Variants in CST3 observed in about 807,000 individuals in gnomAD.
CST3 encodes the protein cystatin C, also known as cystatin-C.
Under a neutral mutation model 9.0 loss-of-function variants are expected in CST3, and 14 were observed. The observed-to-expected ratio is 1.56, with a 90% CI of 1.03 to 2.44. CST3 has a LOEUF of 2.44. Ranked by LOEUF, CST3 falls within the 30% of genes most tolerant of loss-of-function variation. The pLI is 0.00. For missense variants in CST3, 237 were observed against 204.3 expected (o/e 1.16, Z -0.98); for synonymous variants, 96 against 90.2 (o/e 1.06, Z -0.37).
At chr20:23,634,846 C>A (rs1979596876) in intron 2 of CST3, among the ~76,000 whole-genome samples, 1 of 152,128 alleles carries the variant, frequency 6.6e-6, no homozygotes, top group Non-Finnish European at 1.5e-5. Flanking sequence ...CGGATCTATG[C>A]ATGAATCCAC....
exon 4 of CST3, chr20:23,627,933 T>A (rs1222010321): frequency 2.6e-5 from 4 of 152,244 alleles, no homozygotes; most frequent in Admixed American, 6.5e-5. Flanking sequence ...TTGGTTTTTT[T>A]AAAAAGAATT....
chr20:23,636,407 T>G (rs892337296), intron 1 of CST3, among the ~76,000 whole-genome samples: 2 of 152,176 alleles, frequency 1.3e-5, no homozygotes, highest in African/African-American at 4.8e-5. Context: ...GGTGTCTTCA[T>G]CTGGCTGAGG....
exon 4 of CST3, chr20:23,627,128 T>G (rs1297036993): frequency 6.6e-6 from 1 of 152,226 alleles, no homozygotes; most frequent in Non-Finnish European, 1.5e-5. Context: ...ATAATCTGAT[T>G]TTAGAACATT....
At chr20:23,637,487 G>T (rs1247265151) in intron 1 of CST3, 133 bp downstream of exon 1, 1 of 918,264 alleles carries the variant, frequency 1.1e-6, no homozygotes, top group Non-Finnish European at 1.5e-6. Context: ...GGGGGTGACA[G>T]CGAAGACCGG....
downstream of CST3, among the ~76,000 whole-genome samples, chr20:23,630,657 C>T (rs574758908): frequency 7.9e-5 from 12 of 152,044 alleles, no homozygotes; most frequent in South Asian, 2.5e-3. Flanking sequence ...TGGCCTAGTC[C>T]AAGGTCACTC....
intron 2 of CST3, among the ~76,000 whole-genome samples, chr20:23,634,788 T>G (rs1299789798): frequency 6.6e-6 from 1 of 152,062 alleles, no homozygotes; most frequent in Non-Finnish European, 1.5e-5. Context: ...CCCGTCTACA[T>G]GCACACACAT....
chr20:23,633,705 AC>A lies in CST3; in HGVS notation c.*210del. Reference sequence around the variant, plus strand: ...GGAGGTGGGGGTGTATGCACCGCACACCGGGGCTATGAGAAGCAAGAAGGAA... The same window carrying A: ...GGAGGTGGGGGTGTATGCACCGCACACGGGGCTATGAGAAGCAAGAAGGAA... On this transcript the variant is annotated 3_prime_UTR_variant, in exon 3 of 3. Coordinates refer to ENST00000376925, the MANE Select transcript of CST3 (RefSeq NM_000099.4). 2 of 656,214 alleles carry A rather than the reference AC, an allele frequency of 3.0e-6. No individual in the cohort carries two copies. The highest frequency in any genetic ancestry group is 4.3e-5 in the Admixed American group (2 of 46,500). The allele number at this position is 656,214 out of a possible 1,614,324, so 40.6% of individuals were successfully genotyped here.
downstream of CST3, among the ~76,000 whole-genome samples, chr20:23,631,467 G>T (rs1568701897): frequency 6.6e-6 from 1 of 152,338 alleles, no homozygotes; most frequent in East Asian, 1.9e-4. Context: ...GTAATGGGGT[G>T]GCGATCCACT....
At chr20:23,636,799 C>A (rs6048960) in intron 1 of CST3, among the ~76,000 whole-genome samples, 1 of 152,188 alleles carries the variant, frequency 6.6e-6, no homozygotes, top group African/African-American at 2.4e-5. Context: ...CAGGACAGGG[C>A]TGAACTCATG....
chr20:23,633,863 G>T lies in CST3; in HGVS notation c.*53C>A. 2 of 1,449,634 alleles carry T rather than the reference G, an allele frequency of 1.4e-6. No homozygotes were observed. Among genetic ancestry groups the T allele is most frequent in the African/African-American group, 1.4e-5 (1 of 71,508 alleles). The allele number at this position is 1,449,634 out of a possible 1,614,324, so 89.8% of individuals were successfully genotyped here. On this transcript the variant is annotated 3_prime_UTR_variant, in exon 3 of 3. Coordinates refer to ENST00000376925, the MANE Select transcript of CST3 (RefSeq NM_000099.4). ...CCAGTCCAGGGGTGGGAATACAGGG[G>T]GTGGGAGGTGTGCATAAGAGGTGAT... is the stretch of plus-strand genomic sequence containing the variant.
chr20:23,637,680 G>A lies in CST3; in HGVS notation c.183C>T (p.Asn61=), dbSNP rs1205258214. Residue 61 remains asparagine, a synonymous_variant, in exon 1 of 3, where the codon AAC becomes AAT. Transcript: ENST00000376925. The stretch of plus-strand genomic sequence containing the variant: ...TGTGGTACATGTCGTTGCTGGCTTT[G>A]TTGTACTCGCCGACGGCAAAGTCCA... ...RALDFAVGEY[N]KASNDMYHSR... is the part of the protein sequence containing the mutation. The A allele has an allele frequency of 1.3e-6, 2 of 1,540,254 alleles. No homozygotes were observed. Among genetic ancestry groups the A allele is most frequent in the Admixed American group, 2.0e-5 (1 of 50,530 alleles).
chr20:23,633,624 G>A (rs13041070), downstream of CST3: 113,756 of 565,470 alleles, frequency 0.2, 12,286 homozygotes, highest in South Asian at 0.3. Context: ...CTGCCTGTGT[G>A]CACATCCCCA....
rs1472916751 is a variant in CST3, at chr20:23,637,600, C to T, written c.243+20G>A. ...GACGGCGGGGCCGGGGCTTCGGACC[C>T]TGCGGGGGGCGGCACGCACCTGCTT... On this transcript the variant is annotated intron_variant, in intron 1 of 2. Coordinates refer to ENST00000376925, the MANE Select transcript of CST3 (RefSeq NM_000099.4). 6.6e-6 allele frequency: 10 copies of T among 1,505,888 alleles called. No homozygotes were observed. The highest frequency in any genetic ancestry group is 7.1e-6 in the Non-Finnish European group (8 of 1,127,622). The allele number at this position is 1,505,888 out of a possible 1,614,324, so 93.3% of individuals were successfully genotyped here. A position where few individuals can be genotyped will look rare whatever the true frequency, so the allele number is the denominator to read the frequency against.
Position 23,637,608 on chromosome 20 carries a change from G to T in CST3, c.243+12C>A, listed in dbSNP as rs748112070. ...GGCCGGGGCTTCGGACCCTGCGGGG[G>T]GCGGCACGCACCTGCTTGCGGGCGC... On this transcript the variant is annotated intron_variant, in intron 1 of 2. Coordinates refer to ENST00000376925, the MANE Select transcript of CST3 (RefSeq NM_000099.4). 2 of 1,512,090 alleles carry T rather than the reference G, an allele frequency of 1.3e-6. No individual in the cohort carries two copies. The highest frequency in any genetic ancestry group is 2.5e-5 in the South Asian group (2 of 80,208). The allele number at this position is 1,512,090 out of a possible 1,614,324, so 93.7% of individuals were successfully genotyped here.
At position 23,633,905 on chromosome 20, in the gene CST3, G is replaced by C. The variant is rs371538575; in HGVS notation, c.*11C>G. The C allele has an allele frequency of 3.7e-6, 6 of 1,612,096 alleles. No homozygotes were observed. Among genetic ancestry groups the C allele is most frequent in the African/African-American group, 1.3e-5 (1 of 74,844 alleles). On this transcript the variant is annotated 3_prime_UTR_variant, in exon 3 of 3. Coordinates refer to ENST00000376925, the MANE Select transcript of CST3 (RefSeq NM_000099.4). ...AGAGGTGATAGGCACAGGCCAGCCC[G>C]GTACAGACCCCTAGGCGTCCTGACA...
intron 1 of CST3, among the ~76,000 whole-genome samples, chr20:23,637,235 C>T (rs1979711772): frequency 6.6e-6 from 1 of 152,230 alleles, no homozygotes; most frequent in Admixed American, 6.5e-5. Flanking sequence ...AACAAGGAGG[C>T]AGCCAGATGA....
chr20:23,632,842 T>C (rs545904128), downstream of CST3, among the ~76,000 whole-genome samples: 4 of 152,296 alleles, frequency 2.6e-5, no homozygotes, highest in East Asian at 7.7e-4. Context: ...GGCACAAAGA[T>C]CCACTATTCT....
At position 23,635,382 on chromosome 20, in the gene CST3, G is replaced by C; in HGVS notation, c.244-15C>G. 6.2e-7 allele frequency: 1 copy of C among 1,608,690 alleles called. No individual in the cohort carries two copies. The highest frequency in any genetic ancestry group is 1.1e-5 in the South Asian group (1 of 90,612). On this transcript the variant is annotated splice_polypyrimidine_tract_variant and intron_variant, in intron 1 of 2. Transcript: ENST00000376925. ...CCAGCTACGATCTACACATGTGAAA[G>C]AGCAGGAGGCAGGGACAGCACGTTC...
downstream of CST3, among the ~76,000 whole-genome samples, chr20:23,631,309 C>T (rs1979444784): frequency 6.6e-6 from 1 of 152,144 alleles, no homozygotes; most frequent in African/African-American, 2.4e-5. Context: ...GAGACTCCAT[C>T]TTGGATGCCA....
Sources: gnomAD v4.1 joint callset for allele counts (sites outside exome capture counted in the v4.1 genomes callset) on GRCh38, gnomAD v4.1.1 for gene constraint, MANE v1.5 for transcripts, NCBI Gene and HGNC (gene_info 2026-07-23, HGNC 2026-07-21) for gene names.